Variants in NALF1 observed in about 807,000 individuals in gnomAD.
NALF1 encodes the protein NALCN channel auxiliary factor 1, also known as family with sequence similarity 155 member A.
In NALF1, 3 loss-of-function variants were observed where a neutral mutation model predicts 48.4. The observed-to-expected ratio is 0.06, with a 90% CI of 0.03 to 0.16. The LOEUF (loss-of-function observed/expected upper bound fraction) is 0.16, where lower values mean the gene tolerates loss of function less well. NALF1 is among the 10% of genes least tolerant of loss of function. The pLI is 1.00. For synonymous variants in NALF1, 262 were observed against 245.7 expected (o/e 1.07, Z -0.62); for missense variants, 526 against 571.5 (o/e 0.92, Z 0.81).
At chr13:107,622,837 G>C (rs1454994389) in intron 1 of NALF1, among the ~76,000 whole-genome samples, 1 of 152,172 alleles carries the variant, frequency 6.6e-6, no homozygotes, top group Non-Finnish European at 1.5e-5. Context: ...ACTAGGCATA[G>C]CAGTAGAAAT....
At chr13:107,500,547 G>C (rs1223623) in intron 1 of NALF1, among the ~76,000 whole-genome samples, 37,609 of 148,024 alleles carry the variant, frequency 0.25, 4,844 homozygotes, top group East Asian at 0.37. Flanking sequence ...TCAGTGTGGC[G>C]ATTCCTCAGG....
chr13:107,314,555 T>G (rs749758405), intron 1 of NALF1, among the ~76,000 whole-genome samples: 3 of 152,146 alleles, frequency 2.0e-5, no homozygotes, highest in Non-Finnish European at 4.4e-5. Flanking sequence ...TGACCCTCCC[T>G]TGAATAGAAT....
intron 2 of NALF1, among the ~76,000 whole-genome samples, chr13:107,207,416 C>T (rs188657629): frequency 6.6e-6 from 1 of 152,156 alleles, no homozygotes. Context: ...AAATGTGCAA[C>T]TTAAAATCTG....
At chr13:107,172,612 CT>C (rs1878829851) in intron 2 of NALF1, among the ~76,000 whole-genome samples, 1 of 152,140 alleles carries the variant, frequency 6.6e-6, no homozygotes, top group Non-Finnish European at 1.5e-5. Flanking sequence ...TTAATGAGGT[CT>C]TCAGCTCTGA....
chr13:107,780,433 TA>T (rs1250327072), intron 1 of NALF1, among the ~76,000 whole-genome samples: 1 of 152,124 alleles, frequency 6.6e-6, no homozygotes, highest in Non-Finnish European at 1.5e-5. Context: ...TAGGAATGAT[TA>T]AAATTATGGT....
rs555868777 is a variant in NALF1 at position 107,367,827 on chromosome 13, G to A, written c.916-157072C>T. 2.0e-5 allele frequency among the ~76,000 whole-genome samples: 3 copies of A among 152,322 alleles called. 1 individual carries two copies. The highest frequency in any genetic ancestry group is 4.1e-4 in the South Asian group (2 of 4,826). On this transcript the variant is annotated intron_variant, in intron 1 of 2. Transcript: ENST00000375915. ...TAAAAATTGCTCAAATCAGGATGGA[G>A]TCTAGGGAACTCATGCAGACTAGTT...
At chr13:107,681,274 T>G (rs1881293682) in intron 1 of NALF1, among the ~76,000 whole-genome samples, 2 of 152,146 alleles carry the variant, frequency 1.3e-5, no homozygotes, top group Admixed American at 1.3e-4. Context: ...AATAGTTATT[T>G]ATTTGATTGT....
intron 1 of NALF1, among the ~76,000 whole-genome samples, chr13:107,408,823 A>C (rs1393793509): frequency 1.3e-5 from 2 of 152,166 alleles, no homozygotes; most frequent in South Asian, 2.1e-4. Context: ...GTTTTGCTTA[A>C]TCACATGAAA....
Position 107,320,975 on chromosome 13 carries a change from T to C in NALF1, c.916-110220A>G, listed in dbSNP as rs74420031. 1,096 of 170,328 alleles carry C rather than the reference T, an allele frequency of 6.4e-3. 14 individuals are homozygous for C. Among genetic ancestry groups the C allele is most frequent in the African/African-American group, 0.024 (1,034 of 42,618 alleles). 10.6% of individuals were successfully genotyped at this position (170,328 alleles called of 1,614,324 possible). ...TCATCACTGGTGGTATCATTAAGAATGGTATTTCCTATCAACATTTATAAA... is the reference window on the plus strand; with the variant it reads ...TCATCACTGGTGGTATCATTAAGAACGGTATTTCCTATCAACATTTATAAA... On this transcript the variant is annotated intron_variant, in intron 1 of 2. Coordinates refer to ENST00000375915, the MANE Select transcript of NALF1 (RefSeq NM_001080396.3).
intron 2 of NALF1, among the ~76,000 whole-genome samples, chr13:107,203,484 T>C (rs1334651704): frequency 1.3e-5 from 2 of 152,212 alleles, no homozygotes; most frequent in Non-Finnish European, 2.9e-5. Context: ...GTGACTTTCC[T>C]TCCAGAGGGT....
chr13:107,625,680 A>G (rs1384003095), intron 1 of NALF1, among the ~76,000 whole-genome samples: 4 of 152,120 alleles, frequency 2.6e-5, no homozygotes, highest in African/African-American at 7.2e-5. Context: ...ATAGCCATTC[A>G]TCTATCTTCC....
rs1381942704 is a variant in NALF1, at chr13:107,288,294, A to C, written c.916-77539T>G. ...GAGGGCAGTGGCGCGATCTCGGCTC[A>C]CTGCAAGCTCCGCCTCCCGGGTTCA... On this transcript the variant is annotated intron_variant, in intron 1 of 2. Transcript: ENST00000375915. Among the ~76,000 whole-genome samples the C allele has an allele frequency of 8.2e-5, 11 of 133,856 alleles. 1 individual carries two copies. The highest frequency in any genetic ancestry group is 3.1e-5 in the Non-Finnish European group (2 of 64,826). 87.8% of individuals were successfully genotyped at this position (133,856 alleles called of 152,430 possible).
At chr13:107,476,461 A>G (rs1005396335) in intron 1 of NALF1, among the ~76,000 whole-genome samples, 1 of 152,158 alleles carries the variant, frequency 6.6e-6, no homozygotes, top group African/African-American at 2.4e-5. Context: ...CTGAAAATGT[A>G]TATAATCCTG....
chr13:107,658,823 G>T (rs986465489), intron 1 of NALF1, among the ~76,000 whole-genome samples: 2 of 151,924 alleles, frequency 1.3e-5, no homozygotes, highest in Non-Finnish European at 1.5e-5. Context: ...AAGTTCCTCT[G>T]CCTTAACACC....
At chr13:107,350,063 A>C (rs983540161) in intron 1 of NALF1, among the ~76,000 whole-genome samples, 1 of 152,120 alleles carries the variant, frequency 6.6e-6, no homozygotes, top group Non-Finnish European at 1.5e-5. Flanking sequence ...TGAAAATCCA[A>C]TGTAGCCACT....
rs1035634509 is a variant in NALF1, at chr13:107,305,752, A to T, written c.916-94997T>A. ...TGAGCAAAAGAAGTCAGACACAAAC[A>T]ATATATATACTGCATCTTTCTTTAC... On this transcript the variant is annotated intron_variant, in intron 1 of 2. Transcript: ENST00000375915. 6.6e-5 allele frequency among the ~76,000 whole-genome samples: 10 copies of T among 152,316 alleles called. No individual in the cohort carries two copies. The East Asian group carries it at 1.9e-3, about 29-fold the overall frequency.
intron 1 of NALF1, among the ~76,000 whole-genome samples, chr13:107,835,983 A>G (rs2138631163): frequency 6.6e-6 from 1 of 152,128 alleles, no homozygotes; most frequent in East Asian, 1.9e-4. Flanking sequence ...GCTTTTTTGT[A>G]GTTGTTGTTT....
chr13:107,238,064 C>A (rs571329536), intron 1 of NALF1, among the ~76,000 whole-genome samples: 1 of 152,270 alleles, frequency 6.6e-6, no homozygotes, highest in African/African-American at 2.4e-5. Context: ...ATCCAGAGGT[C>A]TATAAAATGT....
In NALF1 at chr13:107,769,538, T is replaced by A. The variant is rs371851605; in HGVS notation, c.915+96144A>T. ...GGGAATATCGCACTCTGGGAACTGT[T>A]GTGGGGTGGGGGGAGGGGGGAGGGA... On this transcript the variant is annotated intron_variant, in intron 1 of 2. Coordinates refer to ENST00000375915, the MANE Select transcript of NALF1 (RefSeq NM_001080396.3). 1.6e-4 allele frequency among the ~76,000 whole-genome samples: 16 copies of A among 98,570 alleles called. No homozygotes were observed. In the East Asian group the frequency reaches 3.7e-3, roughly 23 times the overall value. The allele number at this position is 98,570 out of a possible 152,430, so 64.7% of individuals were successfully genotyped here.
Sources: allele counts gnomAD v4.1 joint callset (sites outside exome capture counted in the v4.1 genomes callset), GRCh38; gene constraint gnomAD v4.1.1; transcripts MANE v1.5; gene names NCBI Gene and HGNC (gene_info 2026-07-23, HGNC 2026-07-21).